The following EBF1 variants were observed in gnomAD, a reference collection of about 807,000 sequenced individuals.
EBF1 encodes the protein EBF transcription factor 1.
In EBF1, 10 loss-of-function variants were observed where a neutral mutation model predicts 68.4. The observed-to-expected ratio is 0.15, with a 90% CI of 0.09 to 0.25. The LOEUF is 0.25. Among genes scored for constraint, EBF1 ranks in the 10% least tolerant of loss-of-function variants. The probability of loss-of-function intolerance (pLI) is 1.00; values close to 1 mark genes in which losing one functional copy is unlikely to be tolerated. For synonymous variants in EBF1, 298 were observed against 299.8 expected, an observed-to-expected ratio of 0.99 and a Z score of 0.06; for missense variants, 509 against 794.4, an observed-to-expected ratio of 0.64 and a Z score of 4.32.
chr5:158,906,304 G>GAAAAAAAAA (rs1238469759), intron 6 of EBF1, among the ~76,000 whole-genome samples: 3 of 90,482 alleles, frequency 3.3e-5, no homozygotes, highest in Non-Finnish European at 2.2e-5. Flanking sequence ...TGGCAATGCA[G>GAAAAAAAAA]AAAAAAAAAA....
intron 6 of EBF1, among the ~76,000 whole-genome samples, chr5:158,888,213 G>A (rs1476526609): frequency 6.6e-6 from 1 of 152,110 alleles, no homozygotes; most frequent in Non-Finnish European, 1.5e-5. Flanking sequence ...AGTTGGTGAA[G>A]AAATGAAAGA....
chr5:158,751,012 G>A (rs187393538), intron 10 of EBF1, among the ~76,000 whole-genome samples: 56 of 152,166 alleles, frequency 3.7e-4, no homozygotes, highest in African/African-American at 1.1e-3. Flanking sequence ...ATTTTAATGC[G>A]TGGGAAAATG....
rs6893777 is a variant in EBF1 at position 158,771,505 on chromosome 5, C to T, written c.1036+5908G>A. Among the ~76,000 whole-genome samples, 1,258 of 152,142 alleles carry T rather than the reference C, an allele frequency of 8.3e-3. 14 individuals are homozygous for T. Among genetic ancestry groups the T allele is most frequent in the African/African-American group, 0.029 (1,194 of 41,524 alleles). Reference sequence around the variant, plus strand: ...AAAAATCAATGAAGACCCATTGATCCTGGGCAATATGTCAATGATAGCACC... The same window carrying T: ...AAAAATCAATGAAGACCCATTGATCTTGGGCAATATGTCAATGATAGCACC... On this transcript the variant is annotated intron_variant, in intron 10 of 15. Transcript: ENST00000313708.
At chr5:159,028,050 G>C (rs756903045) in intron 6 of EBF1, among the ~76,000 whole-genome samples, 24 of 152,180 alleles carry the variant, frequency 1.6e-4, no homozygotes, top group Non-Finnish European at 2.5e-4. Flanking sequence ...TTGGGGCTTT[G>C]TGCAACTGCT....
chr5:158,958,303 A>G (rs2127526485), intron 6 of EBF1, among the ~76,000 whole-genome samples: 1 of 152,288 alleles, frequency 6.6e-6, no homozygotes, highest in South Asian at 2.1e-4. Context: ...TCAAATCCCC[A>G]GTGGTGCCAT....
chr5:158,939,155 T>C (rs970647649), intron 6 of EBF1, among the ~76,000 whole-genome samples: 1 of 152,218 alleles, frequency 6.6e-6, no homozygotes, highest in African/African-American at 2.4e-5. Context: ...GTGCTACTCA[T>C]TGGCCTCACA....
At chr5:159,063,100 A>C (rs1333523654) in intron 6 of EBF1, among the ~76,000 whole-genome samples, 1 of 152,222 alleles carries the variant, frequency 6.6e-6, no homozygotes, top group Non-Finnish European at 1.5e-5. Context: ...AGTTCCTGTC[A>C]TTCCTTCTTT....
intron 6 of EBF1, among the ~76,000 whole-genome samples, chr5:158,992,226 A>G (rs1345122650): frequency 1.7e-5 from 2 of 114,392 alleles, no homozygotes; most frequent in Non-Finnish European, 4.4e-5. Flanking sequence ...TTGTAAGGGA[A>G]AAAAAAAAAA....
At chr5:158,713,257 T>A in intron 12 of EBF1, 110 bp from the exon 13 acceptor site, 1 of 981,732 alleles carries the variant, frequency 1.0e-6, no homozygotes, top group African/African-American at 1.7e-5. Context: ...TCAGCTGCAT[T>A]AACTTCTGTG....
chr5:159,080,533 T>C (rs1054244201), intron 5 of EBF1, among the ~76,000 whole-genome samples: 18 of 152,236 alleles, frequency 1.2e-4, no homozygotes, highest in Non-Finnish European at 1.8e-4. Flanking sequence ...TTGGTAGACA[T>C]TTCACTTTGA....
At chr5:159,092,310 C>T (rs993029147) in intron 4 of EBF1, among the ~76,000 whole-genome samples, 2 of 152,210 alleles carry the variant, frequency 1.3e-5, no homozygotes, top group Non-Finnish European at 1.5e-5. Flanking sequence ...TTGAACAACC[C>T]TTCCCAAAAG....
At chr5:158,900,250 A>C (rs1419050935) in intron 6 of EBF1, among the ~76,000 whole-genome samples, 1 of 152,162 alleles carries the variant, frequency 6.6e-6, no homozygotes, top group Admixed American at 6.5e-5. Context: ...GGCATATGTG[A>C]ATGTATCTTC....
At chr5:158,702,484 G>C (rs1033991031) in intron 15 of EBF1, among the ~76,000 whole-genome samples, 2 of 152,200 alleles carry the variant, frequency 1.3e-5, no homozygotes, top group Admixed American at 1.3e-4. Context: ...CTATTGCTTT[G>C]AGAGGCAATG....
intron 8 of EBF1, among the ~76,000 whole-genome samples, chr5:158,804,550 T>C (rs1426190289): frequency 6.6e-6 from 1 of 152,254 alleles, no homozygotes; most frequent in African/African-American, 2.4e-5. Context: ...ACGGGGTTAT[T>C]TGACAATTTA....
At chr5:158,883,314 A>T (rs919237268) in intron 6 of EBF1, among the ~76,000 whole-genome samples, 1 of 149,018 alleles carries the variant, frequency 6.7e-6, no homozygotes, top group Admixed American at 6.7e-5. Flanking sequence ...ATACATACAT[A>T]CATGTGTATA....
chr5:158,858,994 C>T (rs1310263224), intron 6 of EBF1, among the ~76,000 whole-genome samples: 8 of 152,104 alleles, frequency 5.3e-5, no homozygotes, highest in South Asian at 2.1e-4. Flanking sequence ...TGCTTCTGCC[C>T]GACATCCATG....
intron 10 of EBF1, among the ~76,000 whole-genome samples, chr5:158,764,550 A>G (rs778015282): frequency 2.0e-5 from 3 of 152,202 alleles, no homozygotes; most frequent in Non-Finnish European, 4.4e-5. Flanking sequence ...AAAGACAAGG[A>G]CACGGCCTTC....
At chr5:158,728,621 A>C (rs918950778) in intron 11 of EBF1, among the ~76,000 whole-genome samples, 37 of 152,128 alleles carry the variant, frequency 2.4e-4, no homozygotes, top group Non-Finnish European at 3.7e-4. Context: ...GCTGGAGTGC[A>C]ATGGTAGGTA....
intron 6 of EBF1, among the ~76,000 whole-genome samples, chr5:159,044,636 A>G (rs937263881): frequency 6.6e-6 from 1 of 152,222 alleles, no homozygotes; most frequent in Non-Finnish European, 1.5e-5. Flanking sequence ...CATAAAAATT[A>G]AAAGTAAAAT....
Sources: gnomAD v4.1 joint callset for allele counts (sites outside exome capture counted in the v4.1 genomes callset) on GRCh38, gnomAD v4.1.1 for gene constraint, MANE v1.5 for transcripts, NCBI Gene and HGNC (gene_info 2026-07-23, HGNC 2026-07-21) for gene names.